SPATA18: variants seen among roughly 807,000 people sequenced by gnomAD.
SPATA18 encodes mitochondria-eating protein.
In SPATA18, 54 loss-of-function variants were observed where a neutral mutation model predicts 68.1. The observed-to-expected ratio is 0.79, with a 90% CI of 0.64 to 0.99. SPATA18 has a LOEUF of 0.99. Ranked by LOEUF, SPATA18 falls within the 50% of genes least tolerant of loss-of-function variation. The probability of loss-of-function intolerance (pLI) is 0.00; values close to 1 mark genes in which losing one functional copy is unlikely to be tolerated. For missense variants in SPATA18, 724 were observed against 681.1 expected, an observed-to-expected ratio of 1.06 and a Z score of -0.70; for synonymous variants, 242 against 244.8, an observed-to-expected ratio of 0.99 and a Z score of 0.11.
rs1738735411 is a variant in SPATA18, at chr4:52,060,476, A to C, written c.145A>C (p.Lys49Gln). 2 of 1,614,070 alleles carry C rather than the reference A, an allele frequency of 1.2e-6. No individual in the cohort carries two copies. The highest frequency in any genetic ancestry group is 2.7e-5 in the African/African-American group (2 of 75,044). The change falls in exon 2 of 13, where the codon AAG becomes CAG. Residue 49 changes from lysine to glutamine, a missense_variant. Physicochemically the swap from Lys to Gln is moderately conservative, Grantham distance 53. Coordinates refer to ENST00000295213, the MANE Select transcript of SPATA18 (RefSeq NM_145263.4). ...CCTTGAACTCATTGAGCAAGTTGCCAAGGTGCAGGGACAACTCTTTGGGAT... is the reference window on the plus strand; with the variant it reads ...CCTTGAACTCATTGAGCAAGTTGCCCAGGTGCAGGGACAACTCTTTGGGAT... ...HCLELIEQVA[K>Q]VQGQLFGILT...
At chr4:52,053,872 A>C (rs1738111941) in intron 1 of SPATA18, among the ~76,000 whole-genome samples, 1 of 152,218 alleles carries the variant, frequency 6.6e-6, no homozygotes, top group Non-Finnish European at 1.5e-5. Flanking sequence ...AGTCAGATCA[A>C]GTTACTCTTT....
At chr4:52,056,653 AC>A (rs1738370872) in intron 1 of SPATA18, among the ~76,000 whole-genome samples, 1 of 152,028 alleles carries the variant, frequency 6.6e-6, no homozygotes, top group African/African-American at 2.4e-5. Context: ...AATCGGTGGG[AC>A]CTTTACTGGC....
intron 4 of SPATA18, among the ~76,000 whole-genome samples, chr4:52,064,604 A>G (rs1739162237): frequency 6.6e-6 from 1 of 152,200 alleles, no homozygotes; most frequent in Non-Finnish European, 1.5e-5. Flanking sequence ...AAAGGCCATT[A>G]TTTCATTTCA....
At chr4:52,092,373 TGCAGGTTGCAAAG>T (rs945057691) in intron 11 of SPATA18, among the ~76,000 whole-genome samples, 3 of 152,238 alleles carry the variant, frequency 2.0e-5, no homozygotes, top group African/African-American at 7.2e-5. Flanking sequence ...TCTCCTGGTT[TGCAGGTTGCAAAG>T]ACCATGGGAC....
At chr4:52,082,968 G>A (rs1333499933) in intron 10 of SPATA18, 9 of 985,248 alleles carry the variant, frequency 9.1e-6, no homozygotes, top group South Asian at 4.7e-5. Context: ...GGAGGGGAGG[G>A]ATGGAGACAA....
chr4:52,063,301 T>G (rs1739045741), intron 4 of SPATA18, among the ~76,000 whole-genome samples: 1 of 152,202 alleles, frequency 6.6e-6, no homozygotes, highest in East Asian at 1.9e-4. Flanking sequence ...AATTTCTTTC[T>G]CAAAATGCAT....
At chr4:52,059,084 G>T (rs1225876747) in intron 1 of SPATA18, among the ~76,000 whole-genome samples, 1 of 152,216 alleles carries the variant, frequency 6.6e-6, no homozygotes, top group Non-Finnish European at 1.5e-5. Flanking sequence ...ACTGTAGAAT[G>T]CAGGGGTGGG....
In SPATA18 at chr4:52,051,660, C is replaced by G. The variant is rs1392716920; in HGVS notation, c.-45C>G. The G allele has an allele frequency of 8.8e-6, 14 of 1,595,096 alleles. No individual in the cohort carries two copies. Among genetic ancestry groups the G allele is most frequent in the Non-Finnish European group, 1.1e-5 (13 of 1,162,924 alleles). ...CTGCGGAGGCCACCGCCTGGTCCCC[C>G]CAAGTCTCCATCGCGCAGCGTGGGG... On this transcript the variant is annotated 5_prime_UTR_variant, in exon 1 of 13. Coordinates refer to ENST00000295213, the MANE Select transcript of SPATA18 (RefSeq NM_145263.4).
intron 10 of SPATA18, chr4:52,083,404 C>G: frequency 2.0e-6 from 2 of 985,334 alleles, no homozygotes; most frequent in Non-Finnish European, 2.4e-6. Flanking sequence ...GTTTTTGTAG[C>G]TTAAAAATCC....
At chr4:52,083,881 C>T (rs1741169699) in intron 10 of SPATA18, among the ~76,000 whole-genome samples, 1 of 151,816 alleles carries the variant, frequency 6.6e-6, no homozygotes, top group African/African-American at 2.4e-5. Context: ...GCTGGGATTA[C>T]AGGTGCATGC....
At chr4:52,059,542 C>T (rs1237738630) in intron 1 of SPATA18, among the ~76,000 whole-genome samples, 1 of 152,258 alleles carries the variant, frequency 6.6e-6, no homozygotes, top group Non-Finnish European at 1.5e-5. Context: ...TTCACAACCA[C>T]TGGAACCACT....
intron 10 of SPATA18, among the ~76,000 whole-genome samples, chr4:52,084,465 G>A (rs1435932540): frequency 6.6e-6 from 1 of 152,178 alleles, no homozygotes; most frequent in Non-Finnish European, 1.5e-5. Flanking sequence ...AAGCAGATAG[G>A]CAGTAGTGGT....
intron 4 of SPATA18, among the ~76,000 whole-genome samples, chr4:52,069,556 A>G (rs1360473193): frequency 2.0e-5 from 3 of 152,184 alleles, no homozygotes; most frequent in Non-Finnish European, 2.9e-5. Flanking sequence ...TGTCCTTTAT[A>G]TTCTAATACT....
chr4:52,082,296 A>T (rs1373037222), intron 9 of SPATA18, 91 bp from the exon 10 acceptor site: 4 of 1,213,960 alleles, frequency 3.3e-6, no homozygotes. Context: ...ATCTGAGCAT[A>T]ATACAAAATG....
chr4:52,093,860 T>A (rs1331451825), intron 11 of SPATA18, among the ~76,000 whole-genome samples: 1 of 152,204 alleles, frequency 6.6e-6, no homozygotes, highest in African/African-American at 2.4e-5. Context: ...CAACTTTCTG[T>A]CTGTTTCCAT....
intron 11 of SPATA18, among the ~76,000 whole-genome samples, chr4:52,092,612 G>A (rs1027198482): frequency 5.3e-5 from 8 of 152,146 alleles, no homozygotes; most frequent in South Asian, 2.1e-4. Context: ...TGCCTTCTGC[G>A]TTGATCTTGC....
At chr4:52,057,481 T>C (rs1738452932) in intron 1 of SPATA18, among the ~76,000 whole-genome samples, 1 of 152,198 alleles carries the variant, frequency 6.6e-6, no homozygotes, top group Non-Finnish European at 1.5e-5. Context: ...TCTCCTGTTA[T>C]TTAAGATGTG....
intron 11 of SPATA18, among the ~76,000 whole-genome samples, chr4:52,085,321 A>G (rs2109514778): frequency 6.6e-6 from 1 of 152,292 alleles, no homozygotes; most frequent in East Asian, 1.9e-4. Flanking sequence ...TACCATAGTC[A>G]ACTGATCTTG....
At chr4:52,091,292 G>A (rs61796827) in intron 11 of SPATA18, among the ~76,000 whole-genome samples, 26,573 of 151,956 alleles carry the variant, frequency 0.17, 2,631 homozygotes, top group East Asian at 0.4. Context: ...ACTTCTGTCA[G>A]TTCATCAAAC....
Sources: allele counts gnomAD v4.1 joint callset (sites outside exome capture counted in the v4.1 genomes callset), GRCh38; gene constraint gnomAD v4.1.1; transcripts MANE v1.5; gene names NCBI Gene and HGNC (gene_info 2026-07-23, HGNC 2026-07-21).